LNPK: variants seen among roughly 807,000 people sequenced by gnomAD.
LNPK encodes the protein endoplasmic reticulum junction formation protein lunapark.
LNPK carries 29 observed loss-of-function variants against 55.2 expected under a neutral mutation model. That is an observed-to-expected ratio of 0.53 (90% CI 0.39 to 0.72). The LOEUF (loss-of-function observed/expected upper bound fraction) is 0.72, where lower values mean the gene tolerates loss of function less well. Among genes scored for constraint, LNPK ranks in the 30% least tolerant of loss-of-function variants. The pLI is 0.00. For synonymous variants in LNPK, 162 were observed against 168.2 expected, an observed-to-expected ratio of 0.96 and a Z score of 0.29; for missense variants, 467 against 494.8, an observed-to-expected ratio of 0.94 and a Z score of 0.53.
At chr2:175,983,074 A>G (rs946804749) in intron 4 of LNPK, among the ~76,000 whole-genome samples, 2 of 152,224 alleles carry the variant, frequency 1.3e-5, no homozygotes, top group African/African-American at 4.8e-5. Context: ...CAAAACAAGA[A>G]AACTGCATAT....
intron 1 of LNPK, among the ~76,000 whole-genome samples, chr2:175,999,247 A>T (rs1233705092): frequency 6.6e-6 from 1 of 152,204 alleles, no homozygotes; most frequent in African/African-American, 2.4e-5. Flanking sequence ...CTTTAATTTC[A>T]TACCTCTTCT....
chr2:175,934,607 G>A (rs1019701173), intron 12 of LNPK, among the ~76,000 whole-genome samples: 1 of 151,872 alleles, frequency 6.6e-6, no homozygotes, highest in Non-Finnish European at 1.5e-5. Context: ...TAGAAACCTA[G>A]TACTCTAATG....
chr2:175,955,007 C>A (rs965002910), intron 8 of LNPK, among the ~76,000 whole-genome samples: 1 of 152,084 alleles, frequency 6.6e-6, no homozygotes, highest in African/African-American at 2.4e-5. Flanking sequence ...TGAGGACTGA[C>A]AACTTAGTCA....
Position 175,959,183 on chromosome 2 carries a change from T to C in LNPK, c.493+5189A>G, listed in dbSNP as rs140863007. Among the ~76,000 whole-genome samples the C allele has an allele frequency of 1.1e-3, 160 of 152,172 alleles. 1 individual carries two copies. The highest frequency in any genetic ancestry group is 3.4e-3 in the African/African-American group (142 of 41,526). On this transcript the variant is annotated intron_variant, in intron 8 of 12. Transcript: ENST00000272748. ...GGAGAACTTTCCCAACCTAGCAAGG[T>C]AGGTGAACATTCAAATCCAGGAAAT... is the stretch of plus-strand genomic sequence containing the variant.
rs1343181746 is a variant in LNPK, at chr2:175,967,622, C to T, written c.358-3033G>A. The T allele has an allele frequency of 3.1e-6, 3 of 983,322 alleles. No homozygotes were observed. The African/African-American group carries it at 5.3e-5, about 17-fold the overall frequency. 60.9% of individuals were successfully genotyped at this position (983,322 alleles called of 1,614,324 possible). A position where few individuals can be genotyped will look rare whatever the true frequency, so the allele number is the denominator to read the frequency against. On this transcript the variant is annotated intron_variant, in intron 6 of 12. Coordinates refer to ENST00000272748, the MANE Select transcript of LNPK (RefSeq NM_030650.3). The stretch of plus-strand genomic sequence containing the variant: ...CAGAGTATTAGGGAGCATGTTATAC[C>T]ATATAAACTCATCCTTTTATCATGC...
rs1374847752 is a variant in LNPK, at chr2:176,002,264, A to G, written c.-167T>C. ...CAGGCAGCAGCCGCCACTGACAGAGAGACAAGCCGGGCCAACTCCTTCCCA... is the reference window on the plus strand; with the variant it reads ...CAGGCAGCAGCCGCCACTGACAGAGGGACAAGCCGGGCCAACTCCTTCCCA... On this transcript the variant is annotated 5_prime_UTR_variant, in exon 1 of 13. Coordinates refer to ENST00000272748, the MANE Select transcript of LNPK (RefSeq NM_030650.3). 1 of 449,156 alleles carries G rather than the reference A, an allele frequency of 2.2e-6. No individual in the cohort carries two copies. The highest frequency in any genetic ancestry group is 4.4e-6 in the Non-Finnish European group (1 of 224,756). The allele number at this position is 449,156 out of a possible 1,614,324, so 27.8% of individuals were successfully genotyped here.
intron 3 of LNPK, among the ~76,000 whole-genome samples, 169 bp downstream of exon 3, chr2:175,993,013 C>T (rs768022973): frequency 5.9e-5 from 9 of 152,072 alleles, no homozygotes; most frequent in Non-Finnish European, 1.0e-4. Flanking sequence ...TCTTAAGTCA[C>T]GGATAGACTT....
intron 12 of LNPK, among the ~76,000 whole-genome samples, chr2:175,931,702 G>A (rs1008992326): frequency 5.9e-5 from 9 of 152,140 alleles, no homozygotes; most frequent in Admixed American, 3.9e-4. Flanking sequence ...AAATGGCATT[G>A]CTACACACAT....
chr2:175,944,960 G>A (rs187755826), intron 9 of LNPK, among the ~76,000 whole-genome samples: 15 of 151,384 alleles, frequency 9.9e-5, no homozygotes, highest in African/African-American at 3.6e-4. Context: ...ACACAGTGGC[G>A]ATATCTCAGT....
intron 5 of LNPK, among the ~76,000 whole-genome samples, chr2:175,974,210 T>C (rs1686784127): frequency 1.3e-5 from 2 of 152,172 alleles, no homozygotes; most frequent in African/African-American, 4.8e-5. Flanking sequence ...ATTTTGATAA[T>C]AAAATAGTCC....
rs180908891 is a variant in LNPK, at chr2:175,927,439, G to C, written c.*2528C>G. On this transcript the variant is annotated 3_prime_UTR_variant, in exon 13 of 13. Transcript: ENST00000272748. ...AGAGTGACATGATAGGGAGTAAAAG[G>C]CAGAGGCCAGCTTCAGATGGGGAGT... The C allele has an allele frequency of 6.6e-6, 1 of 152,356 alleles. No homozygotes were observed. The highest frequency in any genetic ancestry group is 1.9e-4 in the East Asian group (1 of 5,182). 9.4% of individuals were successfully genotyped at this position (152,356 alleles called of 1,614,324 possible).
At chr2:175,971,252 G>A (rs1010462516) in intron 5 of LNPK, among the ~76,000 whole-genome samples, 1 of 151,902 alleles carries the variant, frequency 6.6e-6, no homozygotes, top group Admixed American at 6.6e-5. Flanking sequence ...TATTAAGCAC[G>A]ACTTTTTAAA....
chr2:175,982,784 A>G (rs1024631792), intron 4 of LNPK, among the ~76,000 whole-genome samples: 1 of 152,242 alleles, frequency 6.6e-6, no homozygotes, highest in Non-Finnish European at 1.5e-5. Flanking sequence ...TGCTCTCCCA[A>G]TAATTAAAAA....
chr2:175,933,048 T>C (rs1031233605), intron 12 of LNPK, among the ~76,000 whole-genome samples: 6 of 152,150 alleles, frequency 3.9e-5, no homozygotes, highest in Non-Finnish European at 7.4e-5. Context: ...CTGGCATCTA[T>C]AATGTCAAGA....
At chr2:175,994,914 A>ATTTT (rs35432943) in intron 2 of LNPK, among the ~76,000 whole-genome samples, 19 of 88,500 alleles carry the variant, frequency 2.1e-4, no homozygotes, top group African/African-American at 5.6e-4. Flanking sequence ...CTTGTATAGA[A>ATTTT]TTTTTTTTTT....
At chr2:175,951,605 A>ATATATCTATATATCTATATC in intron 8 of LNPK, among the ~76,000 whole-genome samples, 1 of 129,730 alleles carries the variant, frequency 7.7e-6, no homozygotes, top group African/African-American at 2.9e-5. Flanking sequence ...ATATATATAT[A>ATATATCTATATATCTATATC]TATATCTCAG....
intron 1 of LNPK, among the ~76,000 whole-genome samples, chr2:175,999,536 C>A (rs748574939): frequency 1.2e-4 from 18 of 152,164 alleles, no homozygotes; most frequent in Non-Finnish European, 1.8e-4. Context: ...TCTAATCCAT[C>A]TCTCCTTTCT....
chr2:175,985,991 A>G (rs551764047), intron 4 of LNPK, among the ~76,000 whole-genome samples: 63 of 152,320 alleles, frequency 4.1e-4, no homozygotes, highest in South Asian at 2.1e-4. Context: ...CTTACTGTTA[A>G]TCTATAATTT....
intron 9 of LNPK, among the ~76,000 whole-genome samples, chr2:175,940,376 G>C (rs996887975): frequency 1.3e-5 from 2 of 151,892 alleles, no homozygotes; most frequent in Non-Finnish European, 2.9e-5. Flanking sequence ...GGGTCTACTG[G>C]AGAATTCAGC....
Sources: allele counts gnomAD v4.1 joint callset (sites outside exome capture counted in the v4.1 genomes callset), GRCh38; gene constraint gnomAD v4.1.1; transcripts MANE v1.5; gene names NCBI Gene and HGNC (gene_info 2026-07-23, HGNC 2026-07-21).